Variants in AHRR observed in about 807,000 individuals in gnomAD.
AHRR encodes aryl hydrocarbon receptor repressor.
In AHRR, 28 loss-of-function variants were observed where a neutral mutation model predicts 44.0. The observed-to-expected ratio is 0.64, with a 90% CI of 0.47 to 0.87. The LOEUF (loss-of-function observed/expected upper bound fraction) is 0.87. Ranked by LOEUF, AHRR falls within the 40% of genes least tolerant of loss-of-function variation. The pLI is 0.00. For missense variants in AHRR, 990 were observed against 953.9 expected (o/e 1.04, Z -0.50); for synonymous variants, 434 against 407.0 (o/e 1.07, Z -0.80).
chr5:366,145 C>A (rs1274983739), intron 3 of AHRR, among the ~76,000 whole-genome samples: 1 of 146,712 alleles, frequency 6.8e-6, no homozygotes, highest in East Asian at 2.2e-4. Context: ...TCACACCTAA[C>A]ATTCAGATGT....
At chr5:341,972 T>G (rs1456828626) in intron 1 of AHRR, among the ~76,000 whole-genome samples, 1 of 152,234 alleles carries the variant, frequency 6.6e-6, no homozygotes, top group Non-Finnish European at 1.5e-5. Context: ...TGATCCTTGC[T>G]TATTTAAAAG....
At chr5:350,847 C>T (rs993138115) in intron 2 of AHRR, among the ~76,000 whole-genome samples, 14 of 149,318 alleles carry the variant, frequency 9.4e-5, no homozygotes, top group African/African-American at 9.9e-5. Flanking sequence ...AAATAGAAAT[C>T]GTGTACTCAA....
At chr5:425,557 A>G (rs535552035) in intron 7 of AHRR, among the ~76,000 whole-genome samples, 1 of 152,198 alleles carries the variant, frequency 6.6e-6, no homozygotes, top group African/African-American at 2.4e-5. Flanking sequence ...AAATTAAGAT[A>G]CTTACTTTTA....
chr5:428,090 C>A, intron 8 of AHRR, 84 bp downstream of exon 8: 1 of 1,416,336 alleles, frequency 7.1e-7, no homozygotes, highest in Non-Finnish European at 9.7e-7. Context: ...TTTTCTGTGT[C>A]TTCTTTCTTC....
chr5:367,079 T>A (rs557320010), intron 3 of AHRR, among the ~76,000 whole-genome samples: 3 of 152,352 alleles, frequency 2.0e-5, no homozygotes, highest in African/African-American at 7.2e-5. Context: ...TTTCTGTAAG[T>A]TTGATATCAT....
At chr5:349,921 A>C (rs1436146633) in intron 2 of AHRR, among the ~76,000 whole-genome samples, 1 of 152,238 alleles carries the variant, frequency 6.6e-6, no homozygotes, top group Non-Finnish European at 1.5e-5. Context: ...TGTCCAATGA[A>C]GACCCAAGGA....
intron 4 of AHRR, among the ~76,000 whole-genome samples, chr5:392,449 A>G (rs1734508265): frequency 6.6e-6 from 1 of 151,128 alleles, no homozygotes; most frequent in South Asian, 2.1e-4. Context: ...AGGCAGGCGC[A>G]GGGCGAGGCA....
At chr5:328,163 T>A (rs1431486484) in intron 1 of AHRR, among the ~76,000 whole-genome samples, 2 of 151,636 alleles carry the variant, frequency 1.3e-5, no homozygotes, top group East Asian at 1.9e-4. Flanking sequence ...CTTTGAGAAA[T>A]CTCCATGCTG....
At chr5:369,938 C>T (rs909717266) in intron 3 of AHRR, among the ~76,000 whole-genome samples, 7 of 152,246 alleles carry the variant, frequency 4.6e-5, no homozygotes, top group Non-Finnish European at 8.8e-5. Flanking sequence ...CCTCATTTGA[C>T]GTAAAACTTG....
At chr5:402,062 G>A (rs894874196) in intron 4 of AHRR, among the ~76,000 whole-genome samples, 8 of 152,130 alleles carry the variant, frequency 5.3e-5, no homozygotes, top group Non-Finnish European at 8.8e-5. Context: ...TCTCACTGGC[G>A]GGAAAGACCC....
At chr5:327,369 G>A (rs914670030) in intron 1 of AHRR, among the ~76,000 whole-genome samples, 6 of 152,086 alleles carry the variant, frequency 3.9e-5, no homozygotes, top group African/African-American at 1.4e-4. Flanking sequence ...CTCATCAGCC[G>A]GGCCCTTGTC....
chr5:349,613 AAAAG>A (rs1742795142), intron 2 of AHRR, among the ~76,000 whole-genome samples: 1 of 152,176 alleles, frequency 6.6e-6, no homozygotes, highest in Non-Finnish European at 1.5e-5. Context: ...AAATTTTAAA[AAAAG>A]AAAACCTTTT....
intron 1 of AHRR, among the ~76,000 whole-genome samples, chr5:324,013 T>TTCTTTCTTTCTCTTTCTTTC (rs61590084): frequency 1.4e-5 from 2 of 138,310 alleles, no homozygotes; most frequent in Non-Finnish European, 3.0e-5. Flanking sequence ...TTCTCTTTCT[T>TTCTTTCTTTCTCTTTCTTTC]TCTTTCTTTC....
chr5:406,626 G>GTT lies in AHRR; in HGVS notation c.352-6717_352-6716dup, dbSNP rs1735270286. Among the ~76,000 whole-genome samples the GTT allele has an allele frequency of 6.6e-6, 1 of 152,226 alleles. No individual in the cohort carries two copies. On this transcript the variant is annotated intron_variant, in intron 4 of 10. Transcript: ENST00000684583. This position sits in a 1 kb window ranked among gnomAD's most constrained non-coding sequence, Gnocchi z 4.7. ...AAAGCTGTTTAGTTAATTCACAGAGGTTAGGAAAACGCTGGTGCAAAAATA... is the reference window on the plus strand; with the variant it reads ...AAAGCTGTTTAGTTAATTCACAGAGGTTTTAGGAAAACGCTGGTGCAAAAATA...
At chr5:346,419 A>G (rs1461812147) in intron 2 of AHRR, among the ~76,000 whole-genome samples, 1 of 152,178 alleles carries the variant, frequency 6.6e-6, no homozygotes, top group African/African-American at 2.4e-5. Flanking sequence ...GAATAAAAAC[A>G]CAATAAAAGC....
chr5:392,893 G>A (rs1415224969), intron 4 of AHRR, among the ~76,000 whole-genome samples: 3 of 151,922 alleles, frequency 2.0e-5, no homozygotes, highest in African/African-American at 7.3e-5. Context: ...CATTTTCTGC[G>A]TTTCCTTCTC....
chr5:379,036 G>C (rs890073402), intron 4 of AHRR, among the ~76,000 whole-genome samples: 1 of 152,212 alleles, frequency 6.6e-6, no homozygotes, highest in Non-Finnish European at 1.5e-5. Flanking sequence ...CTCTGCTGCT[G>C]TTTGCAGTCA....
chr5:416,106 G>C (rs1735798193), intron 5 of AHRR, among the ~76,000 whole-genome samples: 1 of 152,244 alleles, frequency 6.6e-6, no homozygotes, highest in Admixed American at 6.5e-5. Context: ...TCCACGTGAA[G>C]GTGCAGCTCG....
In AHRR at chr5:434,007, C is replaced by T; in HGVS notation, c.1267C>T (p.Pro423Ser). ...GAGGCTGCAGCCCAGCAAGAATGAC[C>T]CGCCCTCCCTGCGCCCCATGCCCCG... ...RPRLQPSKND[P>S]PSLRPMPRGS... is the part of the protein sequence containing the mutation. Residue 423 changes from proline (P) to serine (S), a missense_variant, in exon 11 of 11, where the codon CCG becomes TCG. Coordinates refer to ENST00000684583, the MANE Select transcript of AHRR (RefSeq NM_001377236.1). 3.2e-6 allele frequency: 5 copies of T among 1,579,708 alleles called. No individual in the cohort carries two copies. The highest frequency in any genetic ancestry group is 1.3e-5 in the African/African-American group (1 of 74,112).
Sources: gnomAD v4.1 joint callset for allele counts (sites outside exome capture counted in the v4.1 genomes callset) on GRCh38, gnomAD v4.1.1 for gene constraint, Gnocchi (gnomAD v3.1) non-coding constraint, MANE v1.5 for transcripts, NCBI Gene and HGNC (gene_info 2026-07-23, HGNC 2026-07-21) for gene names.